TMCC3: variants seen among roughly 807,000 people sequenced by gnomAD.
The protein encoded by TMCC3 is transmembrane and coiled-coil domain protein 3.
TMCC3 carries 28 observed loss-of-function variants against 40.2 expected under a neutral mutation model. The observed-to-expected ratio is 0.70, with a 90% CI of 0.52 to 0.95. The LOEUF (loss-of-function observed/expected upper bound fraction) is 0.95. Ranked by LOEUF, TMCC3 falls within the 40% of genes least tolerant of loss-of-function variation. TMCC3 has a pLI of 0.00. For missense variants in TMCC3, 554 were observed against 615.2 expected (o/e 0.90, Z 1.05); for synonymous variants, 255 against 248.5 (o/e 1.03, Z -0.25).
At chr12:94,594,298 GCT>G (rs2068702355) in intron 1 of TMCC3, among the ~76,000 whole-genome samples, 4 of 151,710 alleles carry the variant, frequency 2.6e-5, no homozygotes, top group Non-Finnish European at 5.9e-5. Flanking sequence ...ACCATCACTA[GCT>G]CACTGCAACC....
chr12:94,646,885 A>G (rs2069022753), intron 1 of TMCC3, among the ~76,000 whole-genome samples: 1 of 152,156 alleles, frequency 6.6e-6, no homozygotes, highest in South Asian at 2.1e-4. Context: ...CACCCAGTTA[A>G]GAAGCTCGAA....
At chr12:94,629,382 C>T (rs186469224) in intron 1 of TMCC3, among the ~76,000 whole-genome samples, 55 of 152,258 alleles carry the variant, frequency 3.6e-4, no homozygotes, top group Non-Finnish European at 8.8e-5. Flanking sequence ...CATGAGAAGC[C>T]AGGACCCCAT....
rs1258949974 is a variant in TMCC3 at position 94,571,587 on chromosome 12, A to G, written c.1282T>C (p.Cys428Arg). ...ILAFMTVILV[C>R]VSTIAKFVSP... ...ACGAACTTCGCGATGGTGGACACAC[A>G]CACTAAGATGACAGTCATGAAGGCC... The change falls in exon 4 of 4, where the codon TGT (cysteine) becomes CGT (arginine). Residue 428 changes from cysteine to arginine, a missense_variant. By Grantham distance (180) the Cys-to-Arg change is radical. Coordinates refer to ENST00000261226, the MANE Select transcript of TMCC3 (RefSeq NM_020698.4). The G allele has an allele frequency of 1.9e-6, 3 of 1,614,100 alleles. No individual in the cohort carries two copies. The highest frequency in any genetic ancestry group is 2.5e-6 in the Non-Finnish European group (3 of 1,180,052).
At chr12:94,605,485 T>A (rs2068777471) in intron 1 of TMCC3, among the ~76,000 whole-genome samples, 1 of 152,220 alleles carries the variant, frequency 6.6e-6, no homozygotes, top group Non-Finnish European at 1.5e-5. Context: ...TCTGGGATGC[T>A]GGGATCATGT....
intron 1 of TMCC3, among the ~76,000 whole-genome samples, chr12:94,586,065 C>T (rs943431583): frequency 6.6e-6 from 1 of 152,190 alleles, no homozygotes; most frequent in Non-Finnish European, 1.5e-5. Flanking sequence ...GCTCGCATAG[C>T]CCTGACAATT....
At chr12:94,608,572 C>G (rs1040162253) in intron 1 of TMCC3, among the ~76,000 whole-genome samples, 3 of 152,278 alleles carry the variant, frequency 2.0e-5, no homozygotes, top group South Asian at 4.2e-4. Context: ...GGTTGATCCT[C>G]TCAGTGGTCA....
At chr12:94,617,950 G>T (rs746242905) in intron 1 of TMCC3, among the ~76,000 whole-genome samples, 1 of 152,132 alleles carries the variant, frequency 6.6e-6, no homozygotes, top group Non-Finnish European at 1.5e-5. Context: ...TTCAAGTAAA[G>T]GTCTTAAGTC....
chr12:94,626,497 C>G (rs1011412443), intron 1 of TMCC3, among the ~76,000 whole-genome samples: 9 of 152,022 alleles, frequency 5.9e-5, no homozygotes, highest in African/African-American at 1.7e-4. Flanking sequence ...AACACTGAAC[C>G]CTGGGGAAAA....
intron 3 of TMCC3, among the ~76,000 whole-genome samples, chr12:94,572,240 G>A (rs1002409384): frequency 4.0e-5 from 6 of 150,296 alleles, no homozygotes; most frequent in South Asian, 4.2e-4. Flanking sequence ...CCTCGTGATC[G>A]GCCCACCTCG....
chr12:94,614,396 A>G (rs17022897), intron 1 of TMCC3, among the ~76,000 whole-genome samples: 3,491 of 152,234 alleles, frequency 0.023, 113 homozygotes, highest in African/African-American at 0.079. Context: ...AATTGCCCCC[A>G]GGCCACAAGT....
intron 1 of TMCC3, among the ~76,000 whole-genome samples, chr12:94,633,235 C>T (rs1183800340): frequency 1.3e-5 from 2 of 152,148 alleles, no homozygotes; most frequent in African/African-American, 4.8e-5. Context: ...TTTATGGATT[C>T]ATCCAGTGTG....
intron 1 of TMCC3, chr12:94,616,168 C>T: frequency 1.1e-6 from 1 of 870,408 alleles, no homozygotes; most frequent in South Asian, 5.3e-5. Context: ...CCGTATTCAA[C>T]ACATTGCTGT....
chr12:94,606,991 C>T (rs569348187), intron 1 of TMCC3, among the ~76,000 whole-genome samples: 1 of 152,222 alleles, frequency 6.6e-6, no homozygotes, highest in African/African-American at 2.4e-5. Flanking sequence ...TGCAGGAGAC[C>T]AAGGTGTATT....
intron 1 of TMCC3, among the ~76,000 whole-genome samples, chr12:94,600,240 G>GT (rs530585319): frequency 0.037 from 3,766 of 102,036 alleles, 98 homozygotes; most frequent in Non-Finnish European, 0.051. Flanking sequence ...CCAAATTCTG[G>GT]TTTTTTTTTT....
At chr12:94,590,256 G>A (rs1161672595) in intron 1 of TMCC3, among the ~76,000 whole-genome samples, 4 of 102,448 alleles carry the variant, frequency 3.9e-5, no homozygotes, top group Non-Finnish European at 7.5e-5. Context: ...ACCACGCCCT[G>A]CTAATTTTTT....
intron 1 of TMCC3, among the ~76,000 whole-genome samples, chr12:94,613,238 TG>T (rs2068827088): frequency 6.6e-6 from 1 of 151,920 alleles, no homozygotes; most frequent in Admixed American, 6.6e-5. Flanking sequence ...CCGAGGCTGG[TG>T]GATCACATAA....
chr12:94,597,120 A>AATATATAT lies in TMCC3; in HGVS notation c.79-14583_79-14582insATATATAT, dbSNP rs768080145. Among the ~76,000 whole-genome samples the AATATATAT allele has an allele frequency of 1.8e-3, 10 of 5,486 alleles. 1 individual carries two copies. Among genetic ancestry groups the AATATATAT allele is most frequent in the African/African-American group, 4.0e-3 (9 of 2,240 alleles). The allele number at this position is 5,486 out of a possible 152,430, so 3.6% of individuals were successfully genotyped here. A position where few individuals can be genotyped will look rare whatever the true frequency, so the allele number is the denominator to read the frequency against. ...CACAGTAAGTCACTGTCTCTATTAA[A>AATATATAT]ATACATATATATATATATATATATA... On this transcript the variant is annotated intron_variant, in intron 1 of 3. Coordinates refer to ENST00000261226, the MANE Select transcript of TMCC3 (RefSeq NM_020698.4).
chr12:94,603,595 G>A (rs1263560876), intron 1 of TMCC3, among the ~76,000 whole-genome samples: 3 of 152,164 alleles, frequency 2.0e-5, no homozygotes, highest in African/African-American at 7.2e-5. Flanking sequence ...GCGGAGGTGA[G>A]AAGAGTGGTT....
chr12:94,631,931 A>G (rs2068935849), intron 1 of TMCC3, among the ~76,000 whole-genome samples: 1 of 152,244 alleles, frequency 6.6e-6, no homozygotes. Flanking sequence ...CTCTGTTCAT[A>G]GATGCATTAC....
Sources: gnomAD v4.1 joint callset for allele counts (sites outside exome capture counted in the v4.1 genomes callset) on GRCh38, gnomAD v4.1.1 for gene constraint, MANE v1.5 for transcripts, NCBI Gene and HGNC (gene_info 2026-07-23, HGNC 2026-07-21) for gene names.